Variants in MACF1 observed in about 807,000 individuals in gnomAD.
MACF1 encodes the protein microtubule actin crosslinking factor 1.
A neutral mutation model predicts 854.8 loss-of-function variants in MACF1; 193 were observed. The ratio of observed to expected loss-of-function variants is 0.23; its 90% CI spans 0.20 to 0.25. MACF1 has a LOEUF of 0.25. Among genes scored for constraint, MACF1 ranks in the 10% least tolerant of loss-of-function variants. The pLI, the probability that MACF1 is intolerant of heterozygous loss-of-function variation, is 1.00. For synonymous variants in MACF1, 3,185 were observed against 3,226.7 expected (o/e 0.99, Z 0.44); for missense variants, 7,722 against 8,929.1 (o/e 0.86, Z 5.45).
intron 2 of MACF1, among the ~76,000 whole-genome samples, chr1:39,244,472 G>A (rs571693019): frequency 9.9e-5 from 15 of 151,984 alleles, no homozygotes; most frequent in African/African-American, 3.4e-4. Flanking sequence ...TAGTAGAGAC[G>A]GGATTTCACT....
At chr1:39,472,424 C>T (rs1644795730) in intron 97 of MACF1, among the ~76,000 whole-genome samples, 1 of 152,070 alleles carries the variant, frequency 6.6e-6, no homozygotes, top group South Asian at 2.1e-4. Context: ...TTGTTGTCGC[C>T]TCCTCCCATC....
chr1:39,418,289 G>A (rs915863030), intron 58 of MACF1, among the ~76,000 whole-genome samples: 1 of 152,174 alleles, frequency 6.6e-6, no homozygotes, highest in African/African-American at 2.4e-5. Context: ...GGCTTGGGAT[G>A]CCTGTGGTTC....
chr1:39,188,028 T>C (rs974849620), intron 2 of MACF1, among the ~76,000 whole-genome samples: 6 of 138,720 alleles, frequency 4.3e-5, no homozygotes, highest in Non-Finnish European at 7.8e-5. Flanking sequence ...TTTTTTCCTC[T>C]GCATCCAGCA....
intron 52 of MACF1, among the ~76,000 whole-genome samples, chr1:39,373,631 T>G (rs1649448568): frequency 6.7e-6 from 1 of 148,990 alleles, no homozygotes; most frequent in Non-Finnish European, 1.5e-5. Context: ...GGTGGGCTGA[T>G]CACTTGAGGT....
chr1:39,205,147 C>G lies in MACF1; in HGVS notation c.109+16C>G, dbSNP rs1307407905. ...GGTAGAGCAGGTAACTAACTGGTAC[C>G]CAGTTATTCTTTAAATCTACTGTGG... On this transcript the variant is annotated intron_variant, in intron 1 of 100. Coordinates refer to ENST00000564288, the MANE Select transcript of MACF1 (RefSeq NM_001394062.1). 1 of 702,662 alleles carries G rather than the reference C, an allele frequency of 1.4e-6. No individual in the cohort carries two copies. The highest frequency in any genetic ancestry group is 1.7e-5 in the African/African-American group (1 of 57,192). 43.5% of individuals were successfully genotyped at this position (702,662 alleles called of 1,614,324 possible). A position where few individuals can be genotyped will look rare whatever the true frequency, so the allele number is the denominator to read the frequency against.
intron 6 of MACF1, among the ~76,000 whole-genome samples, chr1:39,275,236 G>C (rs949113675): frequency 6.6e-6 from 1 of 151,948 alleles, no homozygotes; most frequent in African/African-American, 2.4e-5. Flanking sequence ...CCGCCGCCAT[G>C]CCCGGTTAAT....
At chr1:39,095,746 A>G (rs546361155) in intron 2 of MACF1, among the ~76,000 whole-genome samples, 3 of 151,248 alleles carry the variant, frequency 2.0e-5, no homozygotes, top group Non-Finnish European at 2.9e-5. Context: ...GTGGTGGTGC[A>G]TGCCTGTAGT....
At chr1:39,286,493 A>G (rs1050153085) in intron 14 of MACF1, among the ~76,000 whole-genome samples, 1 of 148,748 alleles carries the variant, frequency 6.7e-6, no homozygotes, top group African/African-American at 2.5e-5. Flanking sequence ...TTGAGATGGC[A>G]TCTTGCTCTG....
In MACF1 at chr1:39,449,697, A is replaced by ATTTT. The variant is rs4012670; in HGVS notation, c.20258+946_20258+949dup. Among the ~76,000 whole-genome samples the ATTTT allele has an allele frequency of 7.9e-4, 103 of 129,776 alleles. 9 individuals carry two copies. The highest frequency in any genetic ancestry group is 4.8e-3 in the Middle Eastern group (1 of 208). 85.1% of individuals were successfully genotyped at this position (129,776 alleles called of 152,430 possible). On this transcript the variant is annotated intron_variant, in intron 84 of 100. Transcript: ENST00000564288. ...ACAGGCGTGAGCCACCGCGCCTGGC[A>ATTTT]TTTTTTTTTTTTTTTGTCATGTTGA...
At chr1:39,250,327 A>C (rs1645027046) in intron 3 of MACF1, 1 of 341,812 alleles carries the variant, frequency 2.9e-6, no homozygotes, top group Non-Finnish European at 5.2e-6. Flanking sequence ...TGATGAAATG[A>C]GAAATTAGTT....
At chr1:39,457,148 C>G (rs1169934093) in intron 89 of MACF1, 1 of 152,300 alleles carries the variant, frequency 6.6e-6, no homozygotes, top group Admixed American at 6.5e-5. Flanking sequence ...GCACTATCAT[C>G]TCCTAAAGTC....
chr1:39,388,553 G>T lies in MACF1; in HGVS notation c.15711G>T (p.Leu5237Phe), dbSNP rs1401787133. 4 of 1,614,034 alleles carry T rather than the reference G, an allele frequency of 2.5e-6. No individual in the cohort carries two copies. Among genetic ancestry groups the T allele is most frequent in the Non-Finnish European group, 3.4e-6 (4 of 1,180,030 alleles). ...GTGTAGAGGACTTCTACAGGAAATT[G>T]AAAGGACTCAATGACGCGACCACAG... is the stretch of plus-strand genomic sequence containing the variant. ...LGRVEDFYRK[L>F]KGLNDATTAA... The change falls in exon 58 of 101, where the codon TTG becomes TTT. Residue 5237 changes from leucine (L) to phenylalanine (F), a missense_variant. This residue lies in a region of MACF1 where 2,807 missense variants were observed against 3,235.8 expected (regional missense o/e 0.87). Transcript: ENST00000564288.
intron 88 of MACF1, 32 bp downstream of exon 88, chr1:39,453,882 C>T (rs768703608): frequency 5.0e-6 from 8 of 1,612,536 alleles, no homozygotes; most frequent in Middle Eastern, 1.7e-4. Flanking sequence ...GGACTGCACA[C>T]GCCCAGTAAA....
chr1:39,433,496 T>A (rs1397499202), intron 68 of MACF1, among the ~76,000 whole-genome samples: 1 of 152,254 alleles, frequency 6.6e-6, no homozygotes, highest in Non-Finnish European at 1.5e-5. Flanking sequence ...TATTAATTCC[T>A]TCATTATATC....
intron 31 of MACF1, among the ~76,000 whole-genome samples, chr1:39,320,453 C>T (rs1158454289): frequency 1.3e-5 from 2 of 152,090 alleles, no homozygotes; most frequent in Non-Finnish European, 2.9e-5. Context: ...TGTGACATGC[C>T]ATTGATTCTA....
intron 97 of MACF1, among the ~76,000 whole-genome samples, chr1:39,474,838 A>G: frequency 6.6e-6 from 1 of 152,260 alleles, no homozygotes; most frequent in Middle Eastern, 3.2e-3. Context: ...TGCTTCAGCC[A>G]CATCTTAAAG....
At chr1:39,356,219 A>G (rs1647551092) in intron 44 of MACF1, among the ~76,000 whole-genome samples, 1 of 152,232 alleles carries the variant, frequency 6.6e-6, no homozygotes, top group South Asian at 2.1e-4. Flanking sequence ...GTATAAGCAC[A>G]TAGACACAGT....
intron 50 of MACF1, among the ~76,000 whole-genome samples, chr1:39,369,542 C>T (rs1397176599): frequency 6.6e-6 from 1 of 152,220 alleles, no homozygotes; most frequent in East Asian, 1.9e-4. Context: ...TGGCCATTTC[C>T]AAAACTTTCC....
intron 31 of MACF1, among the ~76,000 whole-genome samples, chr1:39,321,261 C>T (rs1646510914): frequency 6.6e-6 from 1 of 152,180 alleles, no homozygotes; most frequent in South Asian, 2.1e-4. Flanking sequence ...GTTTCTGTTA[C>T]TGTATCTATA....
Sources: gnomAD v4.1 joint callset for allele counts (sites outside exome capture counted in the v4.1 genomes callset) on GRCh38, gnomAD v4.1.1 for gene constraint, gnomAD v4.1.1 regional missense constraint, MANE v1.5 for transcripts, NCBI Gene and HGNC (gene_info 2026-07-23, HGNC 2026-07-21) for gene names.